Variants in RAD51AP1 observed in about 807,000 individuals in gnomAD.
The protein encoded by RAD51AP1 is RAD51 associated protein 1.
RAD51AP1 carries 14 observed loss-of-function variants against 34.3 expected under a neutral mutation model. The ratio of observed to expected loss-of-function variants is 0.41; its 90% CI spans 0.27 to 0.64. The LOEUF is 0.64. Ranked by LOEUF, RAD51AP1 falls within the 30% of genes least tolerant of loss-of-function variation. RAD51AP1 has a pLI of 0.33. For synonymous variants in RAD51AP1, 114 were observed against 129.8 expected (o/e 0.88, Z 0.83); for missense variants, 348 against 386.9 (o/e 0.90, Z 0.84).
At chr12:4,555,034 C>T (rs1177026829) in intron 7 of RAD51AP1, among the ~76,000 whole-genome samples, 2 of 152,254 alleles carry the variant, frequency 1.3e-5, no homozygotes, top group East Asian at 3.9e-4. Context: ...TTCCATCAGA[C>T]AGTGCTGATC....
intron 8 of RAD51AP1, 137 bp from the exon 9 acceptor site, chr12:4,558,720 G>A: frequency 9.9e-7 from 1 of 1,005,666 alleles, no homozygotes; most frequent in South Asian, 1.7e-5. Context: ...CTGTTCTTTT[G>A]ATCTAGTTTA....
In RAD51AP1 at chr12:4,548,093, C is replaced by T; in HGVS notation, c.321C>T (p.Ser107=). 6.3e-7 allele frequency: 1 copy of T among 1,594,244 alleles called. No individual in the cohort carries two copies. The highest frequency in any genetic ancestry group is 8.5e-7 in the Non-Finnish European group (1 of 1,174,784). Residue 107 remains serine (S), a splice_region_variant and synonymous_variant, in exon 5 of 9, where the codon AGC becomes AGT. Transcript: ENST00000352618. ...TTCTTTCTTATTCCTTATATTTAGG[C>T]ATTGAAAAACATGGCAGTAGTAAAA... ...TTNVQNSQDK[S]IEKHGSSKIE...
chr12:4,548,239 A>G (rs747611652), intron 5 of RAD51AP1, 61 bp downstream of exon 5: 27 of 1,564,080 alleles, frequency 1.7e-5, no homozygotes, highest in Non-Finnish European at 2.1e-5. Flanking sequence ...ACTTTTGTTT[A>G]AATTGCTGAA....
At chr12:4,540,648 A>G (rs368515635) in intron 1 of RAD51AP1, among the ~76,000 whole-genome samples, 2 of 152,160 alleles carry the variant, frequency 1.3e-5, no homozygotes, top group East Asian at 1.9e-4. Flanking sequence ...AAGTATACTA[A>G]TTAAAAATAG....
At chr12:4,542,242 G>A (rs1344814822) in intron 2 of RAD51AP1, among the ~76,000 whole-genome samples, 1 of 152,076 alleles carries the variant, frequency 6.6e-6, no homozygotes, top group African/African-American at 2.4e-5. Flanking sequence ...CTGTCTTTTT[G>A]AGATACAAAG....
chr12:4,556,368 C>T lies in RAD51AP1; in HGVS notation c.737C>T (p.Ser246Phe), dbSNP rs1944582866. 1 of 1,613,088 alleles carries T rather than the reference C, an allele frequency of 6.2e-7. No individual in the cohort carries two copies. The highest frequency in any genetic ancestry group is 1.3e-5 in the African/African-American group (1 of 74,884). The change falls in exon 8 of 9, where the codon TCT becomes TTT. Residue 246 changes from serine (S) to phenylalanine (F), a missense_variant. Physicochemically the swap from Ser to Phe is radical, Grantham distance 155 (BLOSUM62 -2). Transcript: ENST00000352618. ...TTCAAATAAGTGACTTCGGTGGACTCTGCTCCAGCTGCCGTCAAATCAGAA... is the reference window on the plus strand; with the variant it reads ...TTCAAATAAGTGACTTCGGTGGACTTTGCTCCAGCTGCCGTCAAATCAGAA... ...KCNALVTSVD[S>F]APAAVKSESQ... is the part of the protein sequence containing the mutation.
intron 1 of RAD51AP1, among the ~76,000 whole-genome samples, chr12:4,540,147 A>G (rs1366766428): frequency 6.6e-6 from 1 of 152,316 alleles, no homozygotes; most frequent in African/African-American, 2.4e-5. Flanking sequence ...TGACTCCACA[A>G]TAGTTTTGGT....
chr12:4,549,142 T>C (rs1944528189), intron 6 of RAD51AP1, among the ~76,000 whole-genome samples: 1 of 152,184 alleles, frequency 6.6e-6, no homozygotes, highest in Admixed American at 6.5e-5. Context: ...AACTGAGGCT[T>C]GCTGGGATGA....
Position 4,539,957 on chromosome 12 carries a change from A to G in RAD51AP1, c.17+1001A>G, listed in dbSNP as rs189971655. Among the ~76,000 whole-genome samples, 186 of 152,316 alleles carry G rather than the reference A, an allele frequency of 1.2e-3. 2 individuals carry two copies. The highest frequency in any genetic ancestry group is 4.4e-3 in the African/African-American group (181 of 41,570). On this transcript the variant is annotated intron_variant, in intron 1 of 8. Transcript: ENST00000352618. ...TGTTGGTGGAGAATAAATGATGGATAGGGTGACCAGAACGGGAGCAGGAAA... is the reference window on the plus strand; with the variant it reads ...TGTTGGTGGAGAATAAATGATGGATGGGGTGACCAGAACGGGAGCAGGAAA...
intron 4 of RAD51AP1, 57 bp from the exon 5 acceptor site, chr12:4,548,035 A>T: frequency 6.7e-7 from 1 of 1,498,076 alleles, no homozygotes; most frequent in Non-Finnish European, 9.0e-7. Context: ...TAATTTTCCT[A>T]TATCTAGACA....
chr12:4,545,929 C>A (rs1482550432), intron 3 of RAD51AP1: 4 of 1,402,982 alleles, frequency 2.9e-6, no homozygotes, highest in African/African-American at 2.9e-5. Context: ...GCTATAAAAT[C>A]TGCTAAAGGG....
At chr12:4,550,608 T>G (rs966293316) in intron 6 of RAD51AP1, 3 of 152,372 alleles carry the variant, frequency 2.0e-5, no homozygotes, top group African/African-American at 7.2e-5. Context: ...ACATTGCAAT[T>G]TGAAGATCAT....
At chr12:4,546,465 T>G (rs777728807) in intron 4 of RAD51AP1, 47 bp downstream of exon 4, 1 of 1,357,248 alleles carries the variant, frequency 7.4e-7, no homozygotes, top group South Asian at 1.2e-5. Flanking sequence ...TCTTAATGCT[T>G]TTGTGATTAT....
chr12:4,546,823 G>GTATTAA (rs1268972244), intron 4 of RAD51AP1, among the ~76,000 whole-genome samples: 5 of 152,074 alleles, frequency 3.3e-5, no homozygotes, highest in Non-Finnish European at 7.4e-5. Context: ...TATTAATTTG[G>GTATTAA]TTAGCAAGTT....
rs1261275496 is a variant in RAD51AP1 at position 4,546,356 on chromosome 12, T to G, written c.257T>G (p.Leu86Arg). The G allele has an allele frequency of 3.7e-6, 6 of 1,613,028 alleles. No individual in the cohort carries two copies. Among genetic ancestry groups the G allele is most frequent in the Admixed American group, 3.3e-5 (2 of 59,984 alleles). Residue 86 changes from leucine to arginine, a missense_variant, in exon 4 of 9, where the codon CTA (leucine) becomes CGA (arginine). By Grantham distance (102) the Leu-to-Arg change is moderately radical. Transcript: ENST00000352618. Reference sequence around the variant, plus strand: ...TACCAGAGAGACTTAGAAGTTGCACTAGCTTTATCAGTGAAGGAACTTCCA... The same window carrying G: ...TACCAGAGAGACTTAGAAGTTGCACGAGCTTTATCAGTGAAGGAACTTCCA... ...KLYQRDLEVA[L>R]ALSVKELPTV... is the part of the protein sequence containing the mutation.
At chr12:4,557,330 T>C (rs1296666494) in intron 8 of RAD51AP1, among the ~76,000 whole-genome samples, 10 of 152,186 alleles carry the variant, frequency 6.6e-5, no homozygotes, top group Non-Finnish European at 1.5e-4. Context: ...TGGTCCACAG[T>C]GCTCACTCCC....
intron 6 of RAD51AP1, among the ~76,000 whole-genome samples, chr12:4,551,205 C>T (rs1361363278): frequency 6.6e-6 from 1 of 151,964 alleles, no homozygotes; most frequent in Non-Finnish European, 1.5e-5. Context: ...ACATAAAATG[C>T]AAGAATATGG....
At chr12:4,553,834 A>G (rs1208613018) in intron 7 of RAD51AP1, among the ~76,000 whole-genome samples, 2 of 152,064 alleles carry the variant, frequency 1.3e-5, no homozygotes, top group Non-Finnish European at 2.9e-5. Flanking sequence ...TTATTTCTTG[A>G]TAATCATTTT....
intron 6 of RAD51AP1, among the ~76,000 whole-genome samples, chr12:4,550,829 G>A (rs1028824113): frequency 2.0e-5 from 3 of 152,150 alleles, no homozygotes; most frequent in Non-Finnish European, 4.4e-5. Flanking sequence ...TAGTAGAGAT[G>A]GAGTTTCAGC....
Sources: gnomAD v4.1 joint callset for allele counts (sites outside exome capture counted in the v4.1 genomes callset) on GRCh38, gnomAD v4.1.1 for gene constraint, MANE v1.5 for transcripts, NCBI Gene and HGNC (gene_info 2026-07-23, HGNC 2026-07-21) for gene names.